Variants in PSD3 observed in about 807,000 individuals in gnomAD.
PSD3 encodes the protein pleckstrin and Sec7 domain containing 3, also known as PH and SEC7 domain-containing protein 3.
A neutral mutation model predicts 105.5 loss-of-function variants in PSD3; 49 were observed. That is an observed-to-expected ratio of 0.46 (90% confidence interval 0.37 to 0.59). PSD3 has a LOEUF of 0.59. Among genes scored for constraint, PSD3 ranks in the 20% least tolerant of loss-of-function variants. The probability of loss-of-function intolerance (pLI) is 0.00; values close to 1 mark genes in which losing one functional copy is unlikely to be tolerated. For missense variants in PSD3, 1,561 were observed against 1,263.8 expected (o/e 1.24, Z -3.57); for synonymous variants, 557 against 457.8 (o/e 1.22, Z -2.77).
intron 9 of PSD3, among the ~76,000 whole-genome samples, chr8:18,685,226 G>A (rs754002391): frequency 6.6e-6 from 1 of 152,038 alleles, no homozygotes; most frequent in Non-Finnish European, 1.5e-5. Context: ...GTGTTCTTGA[G>A]CATTATTTGA....
intron 9 of PSD3, chr8:18,734,033 AGG>A (rs1803967948): frequency 6.6e-6 from 1 of 152,222 alleles, no homozygotes; most frequent in Non-Finnish European, 1.5e-5. Flanking sequence ...ACATATCCAC[AGG>A]TATTAAAGTC....
At chr8:18,999,522 T>G (rs1047601948) in intron 1 of PSD3, among the ~76,000 whole-genome samples, 1 of 145,762 alleles carries the variant, frequency 6.9e-6, no homozygotes, top group East Asian at 2.1e-4. Context: ...ATTATGTAAC[T>G]TAAATATTAT....
intron 1 of PSD3, among the ~76,000 whole-genome samples, chr8:18,972,608 A>C (rs1227095229): frequency 6.6e-6 from 1 of 152,196 alleles, no homozygotes; most frequent in East Asian, 1.9e-4. Context: ...TGGTATCTGG[A>C]GGTAGGGTCT....
chr8:18,649,219 C>A (rs1263984772), intron 10 of PSD3, among the ~76,000 whole-genome samples: 2 of 152,204 alleles, frequency 1.3e-5, no homozygotes, highest in African/African-American at 2.4e-5. Flanking sequence ...AACGCCAGCC[C>A]ATGAGAGCAA....
At position 18,872,638 on chromosome 8, in the gene PSD3, A is replaced by G; in HGVS notation, c.226T>C (p.Ser76Pro). 6.2e-7 allele frequency: 1 copy of G among 1,613,910 alleles called. No individual in the cohort carries two copies. The highest frequency in any genetic ancestry group is 8.5e-7 in the Non-Finnish European group (1 of 1,179,956). The part of the protein sequence containing the change: ...MEEGGEGLRA[S>P]LEFDGEALPC... ...AGAGCCTCACCATCAAATTCCAGAGAAGCCCTTAGGCCTTCTCCACCTTCC... is the reference window on the plus strand; with the variant it reads ...AGAGCCTCACCATCAAATTCCAGAGGAGCCCTTAGGCCTTCTCCACCTTCC... The change falls in exon 3 of 16, where the codon TCT becomes CCT. Residue 76 changes from serine to proline, a missense_variant. By Grantham distance (74) the Ser-to-Pro change is moderately conservative. Transcript: ENST00000327040.
chr8:18,571,670 A>G (rs1408277769), intron 14 of PSD3, among the ~76,000 whole-genome samples: 3 of 152,194 alleles, frequency 2.0e-5, no homozygotes, highest in Non-Finnish European at 4.4e-5. Context: ...TATTTATTAA[A>G]TTAATCTATC....
chr8:19,013,747 C>A (rs2129475518), upstream of PSD3: 1 of 429,270 alleles, frequency 2.3e-6, no homozygotes, highest in South Asian at 1.0e-4. Flanking sequence ...GCTGGCGAGG[C>A]TGCGAGCCCG....
Position 18,565,036 on chromosome 8 carries a change from G to A in PSD3, c.2784+7492C>T, listed in dbSNP as rs372286560. On this transcript the variant is annotated intron_variant, in intron 14 of 15. Coordinates refer to ENST00000327040, the MANE Select transcript of PSD3 (RefSeq NM_015310.4). ...ACCATTCTCTAAAGAAGCAAGGAAAGACCTAGGGTAGGCACAGGTTCCTAC... is the reference window on the plus strand; with the variant it reads ...ACCATTCTCTAAAGAAGCAAGGAAAAACCTAGGGTAGGCACAGGTTCCTAC... Among the ~76,000 whole-genome samples, 20 of 152,306 alleles carry A rather than the reference G, an allele frequency of 1.3e-4. No homozygotes were observed. In the East Asian group the frequency reaches 3.5e-3, roughly 27 times the overall value.
intron 9 of PSD3, among the ~76,000 whole-genome samples, chr8:18,739,762 C>A (rs188901606): frequency 1.2e-3 from 179 of 152,168 alleles, no homozygotes; most frequent in African/African-American, 4.2e-3. Flanking sequence ...TCAAATCAAA[C>A]AAATTAACAT....
intron 9 of PSD3, among the ~76,000 whole-genome samples, chr8:18,677,796 G>T (rs1466203807): frequency 6.6e-6 from 1 of 152,116 alleles, no homozygotes; most frequent in African/African-American, 2.4e-5. Flanking sequence ...AGATCACGAG[G>T]TCAGGAGATC....
At chr8:19,068,812 G>A (rs1464091572) in intron 1 of PSD3, among the ~76,000 whole-genome samples, 1 of 151,796 alleles carries the variant, frequency 6.6e-6, no homozygotes, top group African/African-American at 2.4e-5. Flanking sequence ...GCTTGGTGCT[G>A]CGATGTACAG....
chr8:18,703,810 G>T (rs57514255), intron 9 of PSD3, among the ~76,000 whole-genome samples: 6 of 152,094 alleles, frequency 3.9e-5, no homozygotes, highest in African/African-American at 1.4e-4. Context: ...GAATAGAAAT[G>T]GATACAGCTG....
chr8:18,592,922 G>A (rs28695503), intron 12 of PSD3, among the ~76,000 whole-genome samples: 30,685 of 152,064 alleles, frequency 0.2, 3,782 homozygotes, highest in Non-Finnish European at 0.28. Flanking sequence ...CTAGCCATAT[G>A]TAGAAAGCTG....
At chr8:18,926,251 G>C (rs1427163273) in intron 2 of PSD3, among the ~76,000 whole-genome samples, 1 of 151,926 alleles carries the variant, frequency 6.6e-6, no homozygotes, top group Admixed American at 6.6e-5. Flanking sequence ...GGCTGAGATA[G>C]TGACCTCTGC....
chr8:18,556,022 G>A (rs1481822173), intron 15 of PSD3, among the ~76,000 whole-genome samples, 187 bp downstream of exon 15: 1 of 152,150 alleles, frequency 6.6e-6, no homozygotes, highest in Non-Finnish European at 1.5e-5. Flanking sequence ...ACTCTTTGAT[G>A]TTTGCTTGGC....
chr8:18,729,803 T>C (rs758798602), intron 9 of PSD3, among the ~76,000 whole-genome samples: 16 of 152,170 alleles, frequency 1.1e-4, no homozygotes, highest in Non-Finnish European at 2.2e-4. Flanking sequence ...TTGAGCCTAC[T>C]ACACAGGAGA....
intron 14 of PSD3, among the ~76,000 whole-genome samples, chr8:18,572,046 T>C (rs188838223): frequency 9.8e-5 from 15 of 152,288 alleles, no homozygotes; most frequent in Non-Finnish European, 1.5e-4. Context: ...GCTTGGAAAA[T>C]CCAAATGTTC....
At chr8:18,742,740 G>C (rs1563216105) in intron 9 of PSD3, among the ~76,000 whole-genome samples, 1 of 152,130 alleles carries the variant, frequency 6.6e-6, no homozygotes, top group East Asian at 1.9e-4. Context: ...AAAAATGTCA[G>C]GAATTATTTA....
intron 9 of PSD3, among the ~76,000 whole-genome samples, chr8:18,728,365 A>C (rs2129430173): frequency 6.6e-6 from 1 of 152,322 alleles, no homozygotes; most frequent in East Asian, 1.9e-4. Context: ...TCAATTAAAA[A>C]CCAGCTACCA....
Sources: allele counts gnomAD v4.1 joint callset (sites outside exome capture counted in the v4.1 genomes callset), GRCh38; gene constraint gnomAD v4.1.1; transcripts MANE v1.5; gene names NCBI Gene and HGNC (gene_info 2026-07-23, HGNC 2026-07-21).